Variants in ATG7 observed in about 807,000 individuals in gnomAD.
ATG7 encodes autophagy related 7.
Under a neutral mutation model 82.4 loss-of-function variants are expected in ATG7, and 70 were observed. The observed-to-expected ratio is 0.85, with a 90% confidence interval of 0.70 to 1.04. The LOEUF is 1.04. Ranked by LOEUF, ATG7 falls within the 50% of genes least tolerant of loss-of-function variation. ATG7 has a pLI of 0.00. For missense variants in ATG7, 792 were observed against 864.3 expected (o/e 0.92, Z 1.05); for synonymous variants, 287 against 313.0 (o/e 0.92, Z 0.88).
chr3:11,514,350 A>G (rs948868484), intron 20 of ATG7, among the ~76,000 whole-genome samples: 2 of 152,182 alleles, frequency 1.3e-5, no homozygotes, highest in Admixed American at 1.3e-4. Flanking sequence ...GGGCGTTTGC[A>G]ATTCATTTTC....
At chr3:11,504,480 G>T (rs2091568349) in intron 20 of ATG7, among the ~76,000 whole-genome samples, 1 of 152,202 alleles carries the variant, frequency 6.6e-6, no homozygotes, top group African/African-American at 2.4e-5. Context: ...ACAAAGGAGA[G>T]ATTGAAAGGC....
At chr3:11,475,677 G>C (rs2088080422) in intron 20 of ATG7, among the ~76,000 whole-genome samples, 1 of 152,168 alleles carries the variant, frequency 6.6e-6, no homozygotes, top group Non-Finnish European at 1.5e-5. Flanking sequence ...AGGAGAATTT[G>C]TTGATACTGT....
intron 20 of ATG7, among the ~76,000 whole-genome samples, chr3:11,462,389 A>G (rs996456187): frequency 2.3e-4 from 35 of 152,312 alleles, no homozygotes; most frequent in African/African-American, 7.9e-4. Flanking sequence ...CACACCATGC[A>G]GGTCCACAGG....
At chr3:11,393,681 G>A (rs993097050) in intron 19 of ATG7, among the ~76,000 whole-genome samples, 2 of 109,300 alleles carry the variant, frequency 1.8e-5, no homozygotes, top group African/African-American at 3.0e-5. Context: ...TGATAGTTTT[G>A]TAGGTTTTTT....
At chr3:11,482,793 C>CT (rs373896065) in intron 20 of ATG7, among the ~76,000 whole-genome samples, 4,600 of 144,746 alleles carry the variant, frequency 0.032, 80 homozygotes, top group Non-Finnish European at 0.037. Context: ...ATTTTTGTAC[C>CT]TTTTTTTTTT....
intron 15 of ATG7, 55 bp downstream of exon 15, chr3:11,358,667 G>A (rs2076091526): frequency 1.3e-6 from 2 of 1,560,880 alleles, no homozygotes. Flanking sequence ...ACTCCAGAGG[G>A]AGGAGTGTCC....
At position 11,298,688 on chromosome 3, in the gene ATG7, A is replaced by C. The variant is rs764995511; in HGVS notation, c.-8A>C. ...TGTTCTGTTTTGTTTTTTAATAGGC[A>C]AGAAATAATGGCGGCAGCTACGGGG... On this transcript the variant is annotated splice_region_variant and 5_prime_UTR_variant, in exon 4 of 21. Transcript: ENST00000693202. The C allele has an allele frequency of 6.2e-7, 1 of 1,611,806 alleles. No individual in the cohort carries two copies. Among genetic ancestry groups the C allele is most frequent in the South Asian group, 1.1e-5 (1 of 90,624 alleles).
At chr3:11,473,136 C>G (rs1559697171) in intron 20 of ATG7, among the ~76,000 whole-genome samples, 1 of 152,202 alleles carries the variant, frequency 6.6e-6, no homozygotes, top group Non-Finnish European at 1.5e-5. Context: ...GCAGCTCCCT[C>G]TTATATGGTG....
chr3:11,344,211 G>A (rs1036069624), intron 13 of ATG7, among the ~76,000 whole-genome samples: 5 of 152,090 alleles, frequency 3.3e-5, no homozygotes, highest in African/African-American at 1.2e-4. Context: ...TAGCTTAATA[G>A]TATTCCTCAC....
At chr3:11,554,667 C>A in intron 20 of ATG7, 144 bp from the exon 21 acceptor site, 1 of 1,010,124 alleles carries the variant, frequency 9.9e-7, no homozygotes, top group Non-Finnish European at 1.4e-6. Flanking sequence ...TTTCCTTGTA[C>A]AGAAATGGGG....
chr3:11,573,171 A>T, the ATG7 span, among the ~76,000 whole-genome samples: 1 of 151,756 alleles, frequency 6.6e-6, no homozygotes. Context: ...GTCTCAAGAA[A>T]GAAAGACAGA....
intron 19 of ATG7, among the ~76,000 whole-genome samples, chr3:11,424,810 A>G (rs967953456): frequency 1.3e-5 from 2 of 152,162 alleles, no homozygotes; most frequent in African/African-American, 4.8e-5. Flanking sequence ...ATGTACATCC[A>G]TGCATTTCTT....
At position 11,511,856 on chromosome 3, in the gene ATG7, G is replaced by A. The variant is rs556439854; in HGVS notation, c.2080-42955G>A. 8.5e-5 allele frequency among the ~76,000 whole-genome samples: 13 copies of A among 152,312 alleles called. No homozygotes were observed. In the East Asian group the frequency reaches 1.2e-3, roughly 14 times the overall value. ...TGGCCCAGGTGCTAAGTCCCCCACT[G>A]CCTGGGGCCAGCAGGGCTGGCTGGC... On this transcript the variant is annotated intron_variant, in intron 20 of 20. Coordinates refer to ENST00000693202, the MANE Select transcript of ATG7 (RefSeq NM_001349232.2).
chr3:11,518,519 C>A (rs1187890146), intron 20 of ATG7, among the ~76,000 whole-genome samples: 1 of 151,718 alleles, frequency 6.6e-6, no homozygotes, highest in South Asian at 2.1e-4. Flanking sequence ...TGTACTCCAG[C>A]CTGTCAACAG....
intron 20 of ATG7, among the ~76,000 whole-genome samples, chr3:11,488,828 C>A (rs958085711): frequency 6.4e-4 from 98 of 152,284 alleles, no homozygotes; most frequent in African/African-American, 2.3e-3. Flanking sequence ...AGGATTTTTG[C>A]ATCAATGTTC....
intron 19 of ATG7, among the ~76,000 whole-genome samples, chr3:11,413,280 G>A (rs62245888): frequency 7.0e-4 from 107 of 152,208 alleles, no homozygotes; most frequent in Non-Finnish European, 1.1e-3. Context: ...TTTCATCACT[G>A]TGTATATTTG....
At chr3:11,564,971 G>C in the ATG7 span, 1 of 1,542,260 alleles carries the variant, frequency 6.5e-7, no homozygotes, top group Non-Finnish European at 8.7e-7. Context: ...TGGGGCTGCG[G>C]CTCCGCTCCC....
chr3:11,342,814 G>C (rs143456329), intron 13 of ATG7, among the ~76,000 whole-genome samples: 49 of 148,502 alleles, frequency 3.3e-4, no homozygotes, highest in African/African-American at 1.2e-3. Context: ...TCTTATACTT[G>C]TATGTTTATA....
At chr3:11,405,821 T>G (rs757988728) in intron 19 of ATG7, among the ~76,000 whole-genome samples, 1 of 151,946 alleles carries the variant, frequency 6.6e-6, no homozygotes, top group African/African-American at 2.4e-5. Flanking sequence ...GGTTTCGCTG[T>G]GTTTCCCAGG....
Sources: gnomAD v4.1 joint callset for allele counts (sites outside exome capture counted in the v4.1 genomes callset) on GRCh38, gnomAD v4.1.1 for gene constraint, MANE v1.5 for transcripts, NCBI Gene and HGNC (gene_info 2026-07-23, HGNC 2026-07-21) for gene names.